PTPRE: variants seen among roughly 807,000 people sequenced by gnomAD.
PTPRE encodes protein tyrosine phosphatase receptor type E.
In PTPRE, 51 loss-of-function variants were observed where a neutral mutation model predicts 102.0. The observed-to-expected ratio is 0.50, with a 90% CI of 0.40 to 0.63. The LOEUF is 0.63. Among genes scored for constraint, PTPRE ranks in the 30% least tolerant of loss-of-function variants. The pLI is 0.00. For missense variants in PTPRE, 752 were observed against 915.1 expected (o/e 0.82, Z 2.30); for synonymous variants, 345 against 348.2 (o/e 0.99, Z 0.10).
intron 2 of PTPRE, among the ~76,000 whole-genome samples, chr10:128,005,788 G>T (rs7089981): frequency 6.6e-6 from 1 of 151,934 alleles, no homozygotes; most frequent in East Asian, 1.9e-4. Context: ...GTGTGGTCCC[G>T]CAGTTCCGGA....
intron 2 of PTPRE, among the ~76,000 whole-genome samples, chr10:128,020,616 G>A (rs902340270): frequency 1.3e-5 from 2 of 152,160 alleles, no homozygotes; most frequent in Non-Finnish European, 1.5e-5. Context: ...GGAAATGGCC[G>A]GTAGCTTCTG....
At chr10:127,954,303 C>A (rs1246489296) in intron 1 of PTPRE, among the ~76,000 whole-genome samples, 2 of 152,182 alleles carry the variant, frequency 1.3e-5, no homozygotes, top group African/African-American at 2.4e-5. Context: ...AACATGGGGT[C>A]CCCAGTATGG....
chr10:127,943,278 G>A (rs1261600832), intron 1 of PTPRE, among the ~76,000 whole-genome samples: 1 of 152,126 alleles, frequency 6.6e-6, no homozygotes, highest in East Asian at 1.9e-4. Flanking sequence ...GTTTCAAGAT[G>A]ATTTTTAAAA....
At chr10:128,014,516 C>A (rs983745257) in intron 2 of PTPRE, among the ~76,000 whole-genome samples, 3 of 151,978 alleles carry the variant, frequency 2.0e-5, no homozygotes, top group African/African-American at 7.3e-5. Flanking sequence ...GAGACCCATG[C>A]GAGGAGGGCG....
intron 2 of PTPRE, among the ~76,000 whole-genome samples, chr10:128,032,989 T>A (rs747803780): frequency 9.3e-6 from 1 of 107,168 alleles, no homozygotes; most frequent in Non-Finnish European, 2.1e-5. Context: ...TTGATGATAA[T>A]GTTGGTATAA....
intron 2 of PTPRE, among the ~76,000 whole-genome samples, chr10:127,990,631 T>A (rs934304248): frequency 2.6e-5 from 4 of 152,122 alleles, no homozygotes; most frequent in Non-Finnish European, 5.9e-5. Context: ...AACTACTGCA[T>A]GTGTCGGCCA....
chr10:127,908,721 C>A (rs1315603467), intron 1 of PTPRE, among the ~76,000 whole-genome samples: 3 of 152,202 alleles, frequency 2.0e-5, no homozygotes, highest in Non-Finnish European at 4.4e-5. Context: ...ACCACCCAGC[C>A]CTTCCCAGAC....
intron 1 of PTPRE, among the ~76,000 whole-genome samples, chr10:127,916,212 C>A (rs1250359786): frequency 1.3e-5 from 2 of 152,080 alleles, no homozygotes; most frequent in Non-Finnish European, 2.9e-5. Flanking sequence ...AAATAGTAAT[C>A]CCCACATGTT....
chr10:127,985,583 C>A (rs1408090659), intron 2 of PTPRE, among the ~76,000 whole-genome samples: 1 of 151,762 alleles, frequency 6.6e-6, no homozygotes, highest in African/African-American at 2.4e-5. Flanking sequence ...GACCCTGTCT[C>A]AAAAAATAAA....
chr10:128,062,964 A>T, intron 9 of PTPRE, 119 bp from the exon 10 acceptor site: 2 of 1,495,524 alleles, frequency 1.3e-6, no homozygotes, highest in Non-Finnish European at 1.8e-6. Context: ...TGTGTCCCCA[A>T]CAAGCCTGAG....
Position 127,911,147 on chromosome 10 carries a change from A to G in PTPRE, c.-31+3838A>G, listed in dbSNP as rs564322287. Among the ~76,000 whole-genome samples the G allele has an allele frequency of 3.9e-5, 6 of 152,336 alleles. No homozygotes were observed. In the South Asian group the frequency reaches 8.3e-4, roughly 21 times the overall value. ...ACCAAGCCAAAAACCATACAAATAG[A>G]TAGATACCTTTTGTGCATCATCCAG... On this transcript the variant is annotated intron_variant, in intron 1 of 20. Transcript: ENST00000254667.
chr10:128,050,514 C>T (rs1368897520), intron 6 of PTPRE, among the ~76,000 whole-genome samples: 2 of 152,148 alleles, frequency 1.3e-5, no homozygotes, highest in Non-Finnish European at 2.9e-5. Flanking sequence ...AGTAGACAAA[C>T]AGATATGAGG....
At chr10:127,949,140 C>T (rs982627566) in intron 1 of PTPRE, among the ~76,000 whole-genome samples, 13 of 152,326 alleles carry the variant, frequency 8.5e-5, no homozygotes, top group African/African-American at 2.9e-4. Context: ...TTCGCTGGTT[C>T]TGCAGCCTTC....
chr10:127,965,838 A>G (rs1380357050), intron 1 of PTPRE, among the ~76,000 whole-genome samples: 1 of 152,208 alleles, frequency 6.6e-6, no homozygotes, highest in Admixed American at 6.5e-5. Flanking sequence ...AACACTGCAC[A>G]CCAAATTCAC....
chr10:127,964,708 T>C, intron 1 of PTPRE: 1 of 194,150 alleles, frequency 5.2e-6, no homozygotes, highest in South Asian at 9.9e-5. Context: ...TCTTTCTCGA[T>C]GAGACACAGG....
intron 7 of PTPRE, among the ~76,000 whole-genome samples, chr10:128,059,396 G>C (rs541502041): frequency 6.6e-6 from 1 of 152,168 alleles, no homozygotes; most frequent in Non-Finnish European, 1.5e-5. Flanking sequence ...ATCGGAGGTC[G>C]CAGGCCACCA....
chr10:128,051,748 T>C (rs918327166), intron 6 of PTPRE, among the ~76,000 whole-genome samples: 3 of 152,236 alleles, frequency 2.0e-5, no homozygotes, highest in Admixed American at 1.3e-4. Flanking sequence ...TTGTGCTCAG[T>C]GACAGGCAGG....
At chr10:127,991,637 G>A (rs893279386) in intron 2 of PTPRE, among the ~76,000 whole-genome samples, 2 of 152,120 alleles carry the variant, frequency 1.3e-5, no homozygotes, top group Non-Finnish European at 2.9e-5. Context: ...CATTTTCTGG[G>A]GGTAATACAA....
chr10:128,077,771 C>G lies in PTPRE; in HGVS notation c.1880C>G (p.Thr627Ser). 1 of 1,597,234 alleles carries G rather than the reference C, an allele frequency of 6.3e-7. No individual in the cohort carries two copies. Among genetic ancestry groups the G allele is most frequent in the Non-Finnish European group, 8.6e-7 (1 of 1,166,296 alleles). The stretch of plus-strand genomic sequence containing the variant: ...CAGCAGACAGGCAACCACCCCATCA[C>G]CGTGCACTGCAGGTGAGCCCCCAGC... ...QQQQTGNHPI[T>S]VHCSAGAGRT... The change falls in exon 19 of 21, where the codon ACC becomes AGC. Residue 627 changes from threonine to serine, a missense_variant. Around this residue, in one of 2 missense-constraint regions of PTPRE, gnomAD observed 636 missense variants for 824.4 expected, o/e 0.77. Coordinates refer to ENST00000254667, the MANE Select transcript of PTPRE (RefSeq NM_006504.6).
Sources: allele counts gnomAD v4.1 joint callset (sites outside exome capture counted in the v4.1 genomes callset), GRCh38; gene constraint gnomAD v4.1.1; regional missense constraint gnomAD v4.1.1; transcripts MANE v1.5; gene names NCBI Gene and HGNC (gene_info 2026-07-23, HGNC 2026-07-21).